Variants in SMC5 observed in about 807,000 individuals in gnomAD.
SMC5 encodes the protein structural maintenance of chromosomes protein 5.
SMC5 carries 88 observed loss-of-function variants against 148.3 expected under a neutral mutation model. That is an observed-to-expected ratio of 0.59 (90% CI 0.50 to 0.71). SMC5 has a LOEUF of 0.71. SMC5 is among the 30% of genes least tolerant of loss of function. The pLI is 0.00. For missense variants in SMC5, 1,142 were observed against 1,298.9 expected, an observed-to-expected ratio of 0.88 and a Z score of 1.86; for synonymous variants, 421 against 432.8, an observed-to-expected ratio of 0.97 and a Z score of 0.34.
At chr9:70,268,215 G>A (rs1337985711) in intron 3 of SMC5, among the ~76,000 whole-genome samples, 1 of 152,150 alleles carries the variant, frequency 6.6e-6, no homozygotes, top group African/African-American at 2.4e-5. Context: ...GGAGGCCGAG[G>A]TGGGCAGATC....
chr9:70,342,010 C>T (rs2036539659), intron 17 of SMC5, among the ~76,000 whole-genome samples: 1 of 149,000 alleles, frequency 6.7e-6, no homozygotes, highest in Admixed American at 6.7e-5. Context: ...CAATGATAGA[C>T]TGGATTAAGA....
intron 3 of SMC5, among the ~76,000 whole-genome samples, chr9:70,269,339 A>G (rs187576629): frequency 6.6e-6 from 1 of 152,172 alleles, no homozygotes; most frequent in Non-Finnish European, 1.5e-5. Flanking sequence ...TCCCAGCACT[A>G]TGGGAGGCCA....
chr9:70,327,803 G>T (rs1210067953), intron 17 of SMC5, among the ~76,000 whole-genome samples: 1 of 152,134 alleles, frequency 6.6e-6, no homozygotes, highest in Non-Finnish European at 1.5e-5. Flanking sequence ...GTGGAATAGG[G>T]TATCTCTTCT....
intron 3 of SMC5, among the ~76,000 whole-genome samples, chr9:70,268,716 T>C (rs2034361912): frequency 6.6e-6 from 1 of 152,130 alleles, no homozygotes; most frequent in African/African-American, 2.4e-5. Flanking sequence ...TCATTCCTAA[T>C]TCTATAAATA....
At chr9:70,327,738 A>G (rs1051933637) in intron 17 of SMC5, among the ~76,000 whole-genome samples, 6 of 152,190 alleles carry the variant, frequency 3.9e-5, no homozygotes, top group Admixed American at 6.5e-5. Flanking sequence ...TTCCAGCATC[A>G]CAAAAAGATA....
chr9:70,348,125 T>G, intron 22 of SMC5, 87 bp downstream of exon 22: 1 of 1,223,300 alleles, frequency 8.2e-7, no homozygotes, highest in Non-Finnish European at 1.1e-6. Flanking sequence ...TATTTACTTT[T>G]GAGTTATATC....
chr9:70,309,922 T>C (rs2035615069), intron 11 of SMC5, among the ~76,000 whole-genome samples: 1 of 152,206 alleles, frequency 6.6e-6, no homozygotes, highest in South Asian at 2.1e-4. Flanking sequence ...CAATCTTGGC[T>C]CACTGCAACC....
intron 17 of SMC5, 100 bp downstream of exon 17, chr9:70,324,243 T>C: frequency 8.1e-7 from 1 of 1,234,578 alleles, no homozygotes; most frequent in Non-Finnish European, 1.1e-6. Context: ...TTTGTTGTTT[T>C]ATGCTATTTA....
Position 70,264,413 on chromosome 9 carries a change from G to T in SMC5, c.295G>T (p.Gly99Ter). Reference protein sequence around the residue: ...IVCAICLGLAGKPAFMGRADK... With the variant: ...IVCAICLGLA ...GTGTGCCATTTGCCTTGGTTTAGCT[G>T]GAAAACCTGCTTTCATGGGACGAGC... Residue 99 changes from glycine (G) to a stop codon, truncating the protein, a stop_gained, in exon 2 of 25, where the codon GGA becomes TGA. Transcript: ENST00000361138. LOFTEE classifies it high-confidence loss of function. 2 of 1,613,958 alleles carry T rather than the reference G, an allele frequency of 1.2e-6. No individual in the cohort carries two copies. Among genetic ancestry groups the T allele is most frequent in the Non-Finnish European group, 1.7e-6 (2 of 1,179,920 alleles).
chr9:70,352,134 G>A, intron 24 of SMC5, 57 bp from the exon 25 acceptor site: 2 of 1,449,394 alleles, frequency 1.4e-6, no homozygotes, highest in Non-Finnish European at 1.9e-6. Flanking sequence ...ATGTAAGGTT[G>A]GAAAACTATA....
chr9:70,299,968 C>G (rs1257798064), intron 9 of SMC5, 78 bp from the exon 10 acceptor site: 1 of 1,348,284 alleles, frequency 7.4e-7, no homozygotes, highest in East Asian at 2.5e-5. Flanking sequence ...CTAGGGTATT[C>G]TTTTGTGTTA....
chr9:70,331,583 G>C (rs1415019400), intron 17 of SMC5, among the ~76,000 whole-genome samples: 1 of 151,920 alleles, frequency 6.6e-6, no homozygotes, highest in African/African-American at 2.4e-5. Flanking sequence ...GTCTGGGATT[G>C]CTTCAAAATA....
In SMC5 at chr9:70,329,000, T is replaced by G. The variant is rs186854265; in HGVS notation, c.2397+4857T>G. Among the ~76,000 whole-genome samples the G allele has an allele frequency of 5.6e-4, 86 of 152,302 alleles. 1 individual carries two copies. In the East Asian group the frequency reaches 0.016, roughly 28 times the overall value. ...TGGCCTGAGCTATATCTTGGCCCCGTTTAGCCACACCCGGAGTGGCTAGGA... is the reference window on the plus strand; with the variant it reads ...TGGCCTGAGCTATATCTTGGCCCCGGTTAGCCACACCCGGAGTGGCTAGGA... On this transcript the variant is annotated intron_variant, in intron 17 of 24. Transcript: ENST00000361138.
At chr9:70,260,366 C>T (rs1006920607) in intron 1 of SMC5, among the ~76,000 whole-genome samples, 1 of 152,216 alleles carries the variant, frequency 6.6e-6, no homozygotes, top group Non-Finnish European at 1.5e-5. Context: ...CTCGGCCTCC[C>T]GTAGTGCTGG....
chr9:70,265,253 G>A (rs992712041), intron 2 of SMC5, among the ~76,000 whole-genome samples: 2 of 152,134 alleles, frequency 1.3e-5, no homozygotes, highest in African/African-American at 4.8e-5. Flanking sequence ...ATGATCAGGA[G>A]TTCCAGACCA....
intron 10 of SMC5, among the ~76,000 whole-genome samples, chr9:70,304,553 G>A (rs7875224): frequency 2.4e-4 from 37 of 152,258 alleles, no homozygotes; most frequent in African/African-American, 7.7e-4. Flanking sequence ...TGGGCATGGT[G>A]ACAGATGCCT....
At chr9:70,301,308 G>A (rs1002449096) in intron 10 of SMC5, among the ~76,000 whole-genome samples, 8 of 152,148 alleles carry the variant, frequency 5.3e-5, no homozygotes, top group African/African-American at 1.9e-4. Context: ...TTTTCTAATA[G>A]TAGCATATAT....
At chr9:70,318,319 T>C (rs1587686983) in intron 13 of SMC5, among the ~76,000 whole-genome samples, 195 bp from the exon 14 acceptor site, 1 of 151,836 alleles carries the variant, frequency 6.6e-6, no homozygotes, top group Admixed American at 6.6e-5. Flanking sequence ...GCCTGGGGGG[T>C]TGAGGCTGGA....
At chr9:70,301,432 T>C (rs1474577255) in intron 10 of SMC5, among the ~76,000 whole-genome samples, 2 of 152,236 alleles carry the variant, frequency 1.3e-5, no homozygotes, top group Non-Finnish European at 2.9e-5. Flanking sequence ...CTTTCACCTT[T>C]CCTGCCACCT....
Sources: allele counts gnomAD v4.1 joint callset (sites outside exome capture counted in the v4.1 genomes callset), GRCh38; gene constraint gnomAD v4.1.1; transcripts MANE v1.5; gene names NCBI Gene and HGNC (gene_info 2026-07-23, HGNC 2026-07-21).